The following RARB variants were observed in gnomAD, a reference collection of about 807,000 sequenced individuals.
The protein encoded by RARB is HBV-activated protein.
A neutral mutation model predicts 51.9 loss-of-function variants in RARB; 17 were observed. That is an observed-to-expected ratio of 0.33 (90% CI 0.22 to 0.49). The LOEUF is 0.49. Among genes scored for constraint, RARB ranks in the 20% least tolerant of loss-of-function variants. The pLI is 0.99. For missense variants in RARB, 369 were observed against 550.8 expected, an observed-to-expected ratio of 0.67 and a Z score of 3.30; for synonymous variants, 215 against 195.4, an observed-to-expected ratio of 1.10 and a Z score of -0.84.
At chr3:24,963,017 T>C (rs576476690) in intron 2 of RARB, among the ~76,000 whole-genome samples, 9 of 152,306 alleles carry the variant, frequency 5.9e-5, no homozygotes, top group African/African-American at 2.2e-4. Flanking sequence ...ATCTTAACTG[T>C]TTATTCCTTT....
chr3:25,088,485 C>T (rs1559462112), intron 3 of RARB, among the ~76,000 whole-genome samples: 1 of 152,068 alleles, frequency 6.6e-6, no homozygotes, highest in Non-Finnish European at 1.5e-5. Context: ...AGCCCTTGCT[C>T]CTCCTCTTTT....
chr3:25,086,536 C>T (rs978294986), intron 3 of RARB, among the ~76,000 whole-genome samples: 11 of 151,968 alleles, frequency 7.2e-5, no homozygotes, highest in Admixed American at 5.9e-4. Flanking sequence ...TATGAGTGAC[C>T]GTGGCTGGTG....
At chr3:25,397,802 T>G (rs937203961) in intron 5 of RARB, among the ~76,000 whole-genome samples, 1 of 152,026 alleles carries the variant, frequency 6.6e-6, no homozygotes, top group African/African-American at 2.4e-5. Flanking sequence ...CTTAATCTCT[T>G]CATTTATAAA....
At chr3:25,132,040 G>A (rs930642510) in intron 3 of RARB, among the ~76,000 whole-genome samples, 2 of 151,840 alleles carry the variant, frequency 1.3e-5, no homozygotes, top group Non-Finnish European at 1.5e-5. Context: ...TCAAGTACTT[G>A]TCTGCTACAA....
At chr3:25,199,786 T>C (rs1461212537) in intron 5 of RARB, among the ~76,000 whole-genome samples, 1 of 152,336 alleles carries the variant, frequency 6.6e-6, no homozygotes, top group East Asian at 1.9e-4. Flanking sequence ...CATCCTTTTT[T>C]ATGGCTGCAT....
intron 3 of RARB, among the ~76,000 whole-genome samples, chr3:25,100,015 G>T (rs556558596): frequency 6.6e-6 from 1 of 152,238 alleles, no homozygotes; most frequent in South Asian, 2.1e-4. Flanking sequence ...CTAAACAAAA[G>T]CAATATCTGC....
intron 5 of RARB, among the ~76,000 whole-genome samples, chr3:25,178,671 G>T (rs956004452): frequency 1.3e-5 from 2 of 152,078 alleles, no homozygotes; most frequent in Non-Finnish European, 2.9e-5. Context: ...ATATTTAAAG[G>T]ACCTTGCAAC....
At chr3:24,937,367 A>G (rs1695567820) in intron 2 of RARB, among the ~76,000 whole-genome samples, 1 of 152,152 alleles carries the variant, frequency 6.6e-6, no homozygotes, top group Non-Finnish European at 1.5e-5. Flanking sequence ...TTGCATGAAG[A>G]GTCTACCCTG....
At chr3:24,907,142 G>A (rs1694885226) in intron 2 of RARB, among the ~76,000 whole-genome samples, 1 of 152,152 alleles carries the variant, frequency 6.6e-6, no homozygotes, top group African/African-American at 2.4e-5. Flanking sequence ...TACGGTAGTT[G>A]AAGCCAGGAG....
chr3:24,922,373 G>A (rs1222822932), intron 2 of RARB, among the ~76,000 whole-genome samples: 1 of 152,180 alleles, frequency 6.6e-6, no homozygotes, highest in Non-Finnish European at 1.5e-5. Context: ...AGGGAAGAGA[G>A]AATAATGAAA....
intron 5 of RARB, among the ~76,000 whole-genome samples, chr3:25,217,322 A>G (rs1181079009): frequency 6.6e-6 from 1 of 152,140 alleles, no homozygotes; most frequent in Non-Finnish European, 1.5e-5. Flanking sequence ...TTTTTGTATC[A>G]TTAGGAGCTT....
At chr3:24,983,001 C>T (rs567152427) in intron 2 of RARB, among the ~76,000 whole-genome samples, 1 of 152,168 alleles carries the variant, frequency 6.6e-6, no homozygotes, top group Non-Finnish European at 1.5e-5. Flanking sequence ...TAAACATATA[C>T]ATATATTAAA....
chr3:25,171,486 A>T (rs1192880142), intron 4 of RARB, among the ~76,000 whole-genome samples: 6 of 10,570 alleles, frequency 5.7e-4, no homozygotes, highest in East Asian at 3.8e-3. Flanking sequence ...TAAGCAGTTT[A>T]AAAAAAAAAA....
At chr3:24,948,187 C>T (rs567828402) in intron 2 of RARB, among the ~76,000 whole-genome samples, 2 of 152,296 alleles carry the variant, frequency 1.3e-5, no homozygotes, top group Admixed American at 1.3e-4. Context: ...CCTTGAAGAT[C>T]TGAAGTCTCA....
rs148168543 is a variant in RARB at position 25,049,817 on chromosome 3, A to C, written c.-379-10308A>C. On this transcript the variant is annotated intron_variant, in intron 2 of 11. Coordinates refer to the RARB transcript ENST00000383772. ...ATCAGCATTTCAGTTAATCACTTGAAACTGCCCAGTGTACTGAAACTGTTT... is the reference window on the plus strand; with the variant it reads ...ATCAGCATTTCAGTTAATCACTTGACACTGCCCAGTGTACTGAAACTGTTT... Among the ~76,000 whole-genome samples, 227 of 152,342 alleles carry C rather than the reference A, an allele frequency of 1.5e-3. No individual in the cohort carries two copies. In the Middle Eastern group the frequency reaches 0.027, roughly 18 times the overall value.
Position 25,596,497 on chromosome 3 carries a change from T to G in RARB, c.1228T>G (p.Ser410Ala). 6.2e-7 allele frequency: 1 copy of G among 1,613,558 alleles called. No individual in the cohort carries two copies. Among genetic ancestry groups the G allele is most frequent in the Non-Finnish European group, 8.5e-7 (1 of 1,179,530 alleles). The change falls in exon 8 of 8, where the codon TCT becomes GCT. Residue 410 changes from serine (S) to alanine (A), a missense_variant. Physicochemically the swap from Ser to Ala is moderately conservative, Grantham distance 99. Coordinates refer to ENST00000330688, the MANE Select transcript of RARB (RefSeq NM_000965.5). ...PPLIQEMLEN[S>A]EGHEPLTPSS... is the part of the protein sequence containing the mutation. Reference sequence around the variant, plus strand: ...TCTCATTCAAGAAATGCTGGAGAATTCTGAAGGACATGAACCCTTGACCCC... The same window carrying G: ...TCTCATTCAAGAAATGCTGGAGAATGCTGAAGGACATGAACCCTTGACCCC...
chr3:25,343,335 A>G (rs1427328225), intron 5 of RARB, among the ~76,000 whole-genome samples: 1 of 151,872 alleles, frequency 6.6e-6, no homozygotes, highest in Non-Finnish European at 1.5e-5. Flanking sequence ...ATCAGTCAAT[A>G]TTTTCCCAAT....
chr3:24,948,227 G>A (rs1339319959), intron 2 of RARB, among the ~76,000 whole-genome samples: 1 of 136,198 alleles, frequency 7.3e-6, no homozygotes, highest in Admixed American at 6.9e-5. Context: ...GCCAGGTATA[G>A]GTAGCACATC....
chr3:25,523,265 A>G (rs931037604), intron 3 of RARB, among the ~76,000 whole-genome samples: 7 of 152,186 alleles, frequency 4.6e-5, no homozygotes, highest in African/African-American at 1.7e-4. Flanking sequence ...TAATGGGGGT[A>G]AGAATCACAT....
Sources: allele counts gnomAD v4.1 joint callset (sites outside exome capture counted in the v4.1 genomes callset), GRCh38; gene constraint gnomAD v4.1.1; transcripts MANE v1.5; gene names NCBI Gene and HGNC (gene_info 2026-07-23, HGNC 2026-07-21).